NOTCH2NLC: variants seen among roughly 807,000 people sequenced by gnomAD.
NOTCH2NLC encodes the protein notch 2 N-terminal like C, also known as notch homolog 2 N-terminal-like protein C.
Under a neutral mutation model 17.7 loss-of-function variants are expected in NOTCH2NLC, and 4 were observed. That is an observed-to-expected ratio of 0.23 (90% confidence interval 0.11 to 0.52). The LOEUF (loss-of-function observed/expected upper bound fraction) is 0.52, where lower values mean the gene tolerates loss of function less well. NOTCH2NLC is among the 20% of genes least tolerant of loss of function. The pLI is 0.96. For missense variants in NOTCH2NLC, 57 were observed against 207.2 expected (o/e 0.28, Z 4.45); for synonymous variants, 18 against 86.0 (o/e 0.21, Z 4.38).
intron 3 of NOTCH2NLC, among the ~76,000 whole-genome samples, chr1:149,463,258 G>A (rs2101514608): frequency 6.7e-6 from 1 of 148,326 alleles, no homozygotes; most frequent in African/African-American, 2.5e-5. Flanking sequence ...ACCTACAATT[G>A]CCTCCAGGTG....
chr1:149,395,915 G>C (rs2084204742), intron 1 of NOTCH2NLC, among the ~76,000 whole-genome samples: 1 of 149,446 alleles, frequency 6.7e-6, no homozygotes, highest in South Asian at 2.1e-4. Context: ...ACATGGTGTT[G>C]AGTTGTCTCT....
chr1:149,398,870 C>A (rs1191302309), intron 1 of NOTCH2NLC, among the ~76,000 whole-genome samples: 1 of 152,072 alleles, frequency 6.6e-6, no homozygotes, highest in African/African-American at 2.4e-5. Context: ...ATCAGCCAAA[C>A]ATCTTGCCAA....
At chr1:149,395,974 C>T (rs1429108724) in intron 1 of NOTCH2NLC, among the ~76,000 whole-genome samples, 1 of 151,018 alleles carries the variant, frequency 6.6e-6, no homozygotes, top group East Asian at 2.0e-4. Context: ...ACACACATTT[C>T]TTCTCTGTAC....
chr1:149,417,140 C>T (rs1277896244), intron 1 of NOTCH2NLC, among the ~76,000 whole-genome samples: 9 of 108,484 alleles, frequency 8.3e-5, no homozygotes, highest in South Asian at 6.5e-4. Context: ...GACAGAGTCT[C>T]GCTCTTTCGC....
chr1:149,398,802 G>A (rs1318807085), intron 1 of NOTCH2NLC, among the ~76,000 whole-genome samples: 1 of 151,402 alleles, frequency 6.6e-6, no homozygotes, highest in Non-Finnish European at 1.5e-5. Context: ...TCTGGTCTCC[G>A]AGTCAGTTCC....
At position 149,448,912 on chromosome 1, in the gene NOTCH2NLC, C is replaced by T. The variant is rs1473935494; in HGVS notation, c.210-6406C>T. On this transcript the variant is annotated intron_variant, in intron 2 of 4. Coordinates refer to ENST00000650865, the MANE Select transcript of NOTCH2NLC (RefSeq NM_001364013.2). ...TTTTTTTTTTTTTGAGAGGGAGTCT[C>T]GCTCTGTCGCCCAGGCTGGAGTGCA... 2.2e-4 allele frequency among the ~76,000 whole-genome samples: 32 copies of T among 143,420 alleles called. No homozygotes were observed. In the South Asian group the frequency reaches 2.8e-3, roughly 13 times the overall value. The allele number at this position is 143,420 out of a possible 152,430, so 94.1% of individuals were successfully genotyped here.
intron 2 of NOTCH2NLC, among the ~76,000 whole-genome samples, chr1:149,433,793 A>G (rs2084467247): frequency 6.6e-6 from 1 of 150,542 alleles, no homozygotes; most frequent in Non-Finnish European, 1.5e-5. Context: ...CTAAAAATGC[A>G]AAAGATTAGC....
At chr1:149,437,880 G>T (rs1279185694) in intron 2 of NOTCH2NLC, among the ~76,000 whole-genome samples, 1 of 146,432 alleles carries the variant, frequency 6.8e-6, no homozygotes, top group South Asian at 2.3e-4. Flanking sequence ...GCATATTAGG[G>T]TCTGTTCTCA....
chr1:149,410,334 G>C (rs1335241349), intron 1 of NOTCH2NLC, among the ~76,000 whole-genome samples: 3,407 of 149,680 alleles, frequency 0.023, 183 homozygotes, highest in African/African-American at 0.08. Context: ...GTAGAAAGAA[G>C]ACAGTTATAT....
At chr1:149,430,011 A>C (rs2084437190) in intron 1 of NOTCH2NLC, among the ~76,000 whole-genome samples, 1 of 150,796 alleles carries the variant, frequency 6.6e-6, no homozygotes, top group African/African-American at 2.4e-5. Flanking sequence ...TGGTGATGAA[A>C]ATTTCAACTC....
intron 2 of NOTCH2NLC, among the ~76,000 whole-genome samples, chr1:149,438,883 T>C (rs1385374352): frequency 7.1e-6 from 1 of 141,252 alleles, no homozygotes; most frequent in Non-Finnish European, 1.5e-5. Flanking sequence ...CAGTCTCCCA[T>C]TTTTAAAACT....
At chr1:149,400,137 ATAT>A (rs2084235433) in intron 1 of NOTCH2NLC, among the ~76,000 whole-genome samples, 6 of 141,416 alleles carry the variant, frequency 4.2e-5, no homozygotes, top group African/African-American at 1.3e-4. Flanking sequence ...TATATAATAT[ATAT>A]TTTTTTTTTA....
chr1:149,393,055 G>C (rs2084184215), intron 1 of NOTCH2NLC, among the ~76,000 whole-genome samples: 7 of 129,354 alleles, frequency 5.4e-5, no homozygotes, highest in Non-Finnish European at 1.1e-4. Context: ...GGGCGACAGA[G>C]CGAGACTCCG....
At chr1:149,463,161 C>T (rs2084661097) in intron 3 of NOTCH2NLC, among the ~76,000 whole-genome samples, 1 of 150,872 alleles carries the variant, frequency 6.6e-6, no homozygotes, top group Admixed American at 6.6e-5. Context: ...ACAGGAGCAG[C>T]ATATGCAAAG....
Position 149,470,187 on chromosome 1 carries a change from C to G in NOTCH2NLC, c.*6034C>G, listed in dbSNP as rs2084708451. 6.6e-6 allele frequency among the ~76,000 whole-genome samples: 1 copy of G among 151,186 alleles called. No individual in the cohort carries two copies. Among genetic ancestry groups the G allele is most frequent in the Admixed American group, 6.6e-5 (1 of 15,124 alleles). On this transcript the variant is annotated 3_prime_UTR_variant, in exon 5 of 5. Coordinates refer to ENST00000650865, the MANE Select transcript of NOTCH2NLC (RefSeq NM_001364013.2). ...TCTTGGTCAAGTCAGCCATGTGGCT[C>G]TCAACTTCCTCATCTGTAACATAAA...
chr1:149,435,907 A>G (rs1417378983), intron 2 of NOTCH2NLC, among the ~76,000 whole-genome samples: 51 of 150,158 alleles, frequency 3.4e-4, no homozygotes, highest in African/African-American at 1.1e-3. Flanking sequence ...ATAAAAAAAA[A>G]CAAAAACAAA....
chr1:149,395,925 T>C (rs1270793337), intron 1 of NOTCH2NLC, among the ~76,000 whole-genome samples: 15 of 150,058 alleles, frequency 1.0e-4, no homozygotes, highest in African/African-American at 3.7e-4. Context: ...GAGTTGTCTC[T>C]GCCACATGAT....
At chr1:149,439,722 G>C (rs1379891402) in intron 2 of NOTCH2NLC, among the ~76,000 whole-genome samples, 1 of 149,288 alleles carries the variant, frequency 6.7e-6, no homozygotes, top group African/African-American at 2.5e-5. Flanking sequence ...ACAACCCAAC[G>C]TAAGGTAAAT....
At chr1:149,449,265 C>G (rs1379653678) in intron 2 of NOTCH2NLC, among the ~76,000 whole-genome samples, 1 of 150,670 alleles carries the variant, frequency 6.6e-6, no homozygotes, top group Non-Finnish European at 1.5e-5. Context: ...GCGAGTAATA[C>G]AAGAGACAAT....
Sources: allele counts gnomAD v4.1 joint callset (sites outside exome capture counted in the v4.1 genomes callset), GRCh38; gene constraint gnomAD v4.1.1; transcripts MANE v1.5; gene names NCBI Gene and HGNC (gene_info 2026-07-23, HGNC 2026-07-21).